RPS6KC1: variants seen among roughly 807,000 people sequenced by gnomAD.
The protein encoded by RPS6KC1 is inactive ribosomal protein S6 kinase delta-1.
In RPS6KC1, 54 loss-of-function variants were observed where a neutral mutation model predicts 103.8. The observed-to-expected ratio is 0.52, with a 90% confidence interval of 0.42 to 0.65. The LOEUF is 0.65. Ranked by LOEUF, RPS6KC1 falls within the 30% of genes least tolerant of loss-of-function variation. RPS6KC1 has a pLI of 0.00. For missense variants in RPS6KC1, 1,151 were observed against 1,253.8 expected (o/e 0.92, Z 1.24); for synonymous variants, 439 against 438.7 (o/e 1.00, Z -0.01).
chr1:213,498,093 T>C, the RPS6KC1 span, among the ~76,000 whole-genome samples: 1 of 152,178 alleles, frequency 6.6e-6, no homozygotes, highest in Non-Finnish European at 1.5e-5. Context: ...AACTTCTAAC[T>C]ATGAAGATAT....
chr1:213,175,201 A>G (rs2091786388), intron 7 of RPS6KC1, among the ~76,000 whole-genome samples: 1 of 152,080 alleles, frequency 6.6e-6, no homozygotes, highest in South Asian at 2.1e-4. Context: ...TCTCCCTCAC[A>G]TTTTCCAACT....
At chr1:213,689,759 T>C in the RPS6KC1 span, among the ~76,000 whole-genome samples, 8 of 152,232 alleles carry the variant, frequency 5.3e-5, no homozygotes, top group Non-Finnish European at 8.8e-5. Context: ...ATCCCAGGAT[T>C]CTGTTGCCAT....
At chr1:213,829,344 G>A in the RPS6KC1 span, among the ~76,000 whole-genome samples, 2 of 151,516 alleles carry the variant, frequency 1.3e-5, no homozygotes, top group African/African-American at 2.4e-5. Context: ...AAGTCAGGGA[G>A]GCCACAAAAG....
chr1:213,848,864 G>T, the RPS6KC1 span, among the ~76,000 whole-genome samples: 6 of 152,092 alleles, frequency 3.9e-5, no homozygotes, highest in African/African-American at 1.4e-4. Flanking sequence ...AGCAGAGCCC[G>T]AGGCAAAGTT....
chr1:213,495,298 C>T, the RPS6KC1 span, among the ~76,000 whole-genome samples: 263 of 152,134 alleles, frequency 1.7e-3, 1 homozygote, highest in South Asian at 9.1e-3. Flanking sequence ...GAAGTGTGCT[C>T]TTCTAATATG....
chr1:213,147,587 T>G (rs750093074), intron 6 of RPS6KC1, among the ~76,000 whole-genome samples: 5 of 152,248 alleles, frequency 3.3e-5, no homozygotes, highest in Admixed American at 6.5e-5. Flanking sequence ...CTTGCTGTTT[T>G]GGTTACAATG....
At chr1:213,656,644 A>G in the RPS6KC1 span, among the ~76,000 whole-genome samples, 1 of 152,196 alleles carries the variant, frequency 6.6e-6, no homozygotes, top group African/African-American at 2.4e-5. Flanking sequence ...ACTGGGCTCC[A>G]TTACCCTGAT....
the RPS6KC1 span, among the ~76,000 whole-genome samples, chr1:213,324,593 C>CTTTTTTTTTTTTTTTTTTTTTTTTTT: frequency 1.2e-5 from 1 of 81,822 alleles, no homozygotes; most frequent in African/African-American, 4.0e-5. Flanking sequence ...GCTCGATATG[C>CTTTTTTTTTTTTTTTTTTTTTTTTTT]TTTTTTTTTT....
intron 6 of RPS6KC1, among the ~76,000 whole-genome samples, chr1:213,150,678 T>C (rs1035002489): frequency 1.3e-5 from 2 of 151,926 alleles, no homozygotes; most frequent in African/African-American, 4.8e-5. Flanking sequence ...TTTTTCTTAG[T>C]ACAGAACAAA....
the RPS6KC1 span, among the ~76,000 whole-genome samples, chr1:213,763,714 G>A: frequency 8.4e-4 from 128 of 152,314 alleles, no homozygotes; most frequent in Middle Eastern, 6.8e-3. Context: ...GATTCTTAGC[G>A]AGTTGAACTC....
At chr1:213,663,906 G>A in the RPS6KC1 span, among the ~76,000 whole-genome samples, 7 of 152,174 alleles carry the variant, frequency 4.6e-5, no homozygotes, top group Non-Finnish European at 8.8e-5. Flanking sequence ...GCAATCCCCA[G>A]GACCCAATGG....
At chr1:213,200,609 G>A (rs1461182466) in intron 8 of RPS6KC1, among the ~76,000 whole-genome samples, 1 of 152,042 alleles carries the variant, frequency 6.6e-6, no homozygotes, top group Non-Finnish European at 1.5e-5. Flanking sequence ...CAAAAGCAAT[G>A]GCAAAAAACA....
At chr1:213,361,528 C>G in the RPS6KC1 span, among the ~76,000 whole-genome samples, 1 of 152,258 alleles carries the variant, frequency 6.6e-6, no homozygotes, top group Non-Finnish European at 1.5e-5. Flanking sequence ...GCCTCGCCCT[C>G]CTTTGGCTCA....
chr1:213,517,331 T>C, the RPS6KC1 span, among the ~76,000 whole-genome samples: 1 of 152,194 alleles, frequency 6.6e-6, no homozygotes. Context: ...AGGGTGTCAA[T>C]TTTAGATATT....
Position 213,272,678 on chromosome 1 carries a change from A to G in RPS6KC1, c.*44A>G. 2.1e-6 allele frequency: 3 copies of G among 1,445,098 alleles called. No individual in the cohort carries two copies. Among genetic ancestry groups the G allele is most frequent in the South Asian group, 1.1e-5 (1 of 87,212 alleles). 89.5% of individuals were successfully genotyped at this position (1,445,098 alleles called of 1,614,324 possible). A position where few individuals can be genotyped will look rare whatever the true frequency, so the allele number is the denominator to read the frequency against. On this transcript the variant is annotated 3_prime_UTR_variant, in exon 15 of 15. Coordinates refer to ENST00000366960, the MANE Select transcript of RPS6KC1 (RefSeq NM_012424.6). ...TTCACACATTCTGATCTTCTCTGTG[A>G]CAGGCATCTCCAGCACTGAGGCACC...
chr1:213,234,620 A>AACGTGAGGCACATGTTGGT (rs1246704196), intron 10 of RPS6KC1, among the ~76,000 whole-genome samples: 1 of 152,206 alleles, frequency 6.6e-6, no homozygotes, highest in Non-Finnish European at 1.5e-5. Context: ...GAGTGAGGAC[A>AACGTGAGGCACATGTTGGT]ACGTGAGGCA....
intron 1 of RPS6KC1, among the ~76,000 whole-genome samples, chr1:213,055,625 A>G (rs2077274086): frequency 6.6e-6 from 1 of 152,176 alleles, no homozygotes; most frequent in Non-Finnish European, 1.5e-5. Flanking sequence ...GAAATCAGGT[A>G]GTCTAAGTAC....
chr1:213,740,437 A>G, the RPS6KC1 span, among the ~76,000 whole-genome samples: 3,287 of 152,156 alleles, frequency 0.022, 126 homozygotes, highest in African/African-American at 0.074. Context: ...TAATTAAAAT[A>G]TTAGCACAGT....
chr1:213,562,917 G>A, the RPS6KC1 span, among the ~76,000 whole-genome samples: 2 of 152,168 alleles, frequency 1.3e-5, no homozygotes, highest in African/African-American at 4.8e-5. Flanking sequence ...TCTTGCCTTG[G>A]CCTCCCAAAG....
Sources: gnomAD v4.1 joint callset for allele counts (sites outside exome capture counted in the v4.1 genomes callset) on GRCh38, gnomAD v4.1.1 for gene constraint, MANE v1.5 for transcripts, NCBI Gene and HGNC (gene_info 2026-07-23, HGNC 2026-07-21) for gene names.